Variants in PRH1 observed in about 807,000 individuals in gnomAD.
PRH1 encodes salivary acidic proline-rich phosphoprotein 1/2.
Under a neutral mutation model 7.9 loss-of-function variants are expected in PRH1, and 7 were observed. That is an observed-to-expected ratio of 0.89 (90% confidence interval 0.50 to 1.67). The LOEUF (loss-of-function observed/expected upper bound fraction) is 1.67, where lower values mean the gene tolerates loss of function less well. PRH1 is among the 40% of genes most tolerant of loss of function. PRH1 has a pLI of 0.00. For missense variants in PRH1, 109 were observed against 223.6 expected (o/e 0.49, Z 3.27); for synonymous variants, 45 against 80.8 (o/e 0.56, Z 2.38).
At chr12:10,961,419 C>T (rs1294958231) in intron 2 of PRH1, among the ~76,000 whole-genome samples, 2 of 150,978 alleles carry the variant, frequency 1.3e-5, no homozygotes, top group South Asian at 2.1e-4. Flanking sequence ...CTAATGATTG[C>T]CCCTCTAAGC....
Position 10,930,370 on chromosome 12 carries a change from C to T in PRH1, c.-59+43285G>A, listed in dbSNP as rs372682319. The stretch of plus-strand genomic sequence containing the variant: ...TTCCCTGAAAAATTGATCAGTTCTC[C>T]AGTGTCTTCTTATCATCCTTGTCAG... On this transcript the variant is annotated intron_variant, in intron 2 of 3. Coordinates refer to the PRH1 transcript ENST00000539853. 4 of 1,562,452 alleles carry T rather than the reference C, an allele frequency of 2.6e-6. No homozygotes were observed. In the African/African-American group the frequency reaches 4.1e-5, roughly 16 times the overall value.
chr12:10,966,169 C>G lies in PRH1; in HGVS notation c.-59+7486G>C, dbSNP rs147414250. Among the ~76,000 whole-genome samples, 610 of 152,292 alleles carry G rather than the reference C, an allele frequency of 4.0e-3. 2 individuals are homozygous for G. Among genetic ancestry groups the G allele is most frequent in the African/African-American group, 0.014 (581 of 41,550 alleles). On this transcript the variant is annotated intron_variant, in intron 2 of 3. Coordinates refer to the PRH1 transcript ENST00000539853. ...CCATAAAAATATATTAAACATATCT[C>G]TCATACTTAGACCCTTGGTAAAGTT...
chr12:11,111,138 C>G (rs1391399574), intron 1 of PRH1, among the ~76,000 whole-genome samples: 3 of 152,142 alleles, frequency 2.0e-5, no homozygotes, highest in Non-Finnish European at 2.9e-5. Flanking sequence ...TACAGGGGCA[C>G]CCAGATTCAT....
chr12:11,064,034 C>T (rs1160423582), intron 1 of PRH1, among the ~76,000 whole-genome samples: 1 of 152,018 alleles, frequency 6.6e-6, no homozygotes, highest in East Asian at 1.9e-4. Context: ...CGCAGTGTAT[C>T]ATAAACATTC....
upstream of PRH1, among the ~76,000 whole-genome samples, chr12:11,049,805 A>T (rs1442662801): frequency 6.6e-6 from 1 of 152,210 alleles, no homozygotes. Flanking sequence ...ATATCATCCA[A>T]GATTATTTTG....
chr12:11,151,373 A>G (rs775666556), intron 1 of PRH1, among the ~76,000 whole-genome samples: 2 of 152,006 alleles, frequency 1.3e-5, no homozygotes, highest in African/African-American at 4.8e-5. Context: ...GCTAGAAAAT[A>G]TAGTTGAGAA....
intron 1 of PRH1, among the ~76,000 whole-genome samples, chr12:11,147,718 T>G (rs1289392614): frequency 6.6e-6 from 1 of 152,196 alleles, no homozygotes; most frequent in African/African-American, 2.4e-5. Flanking sequence ...CCTATTACAT[T>G]AGCTAAAAGT....
intron 1 of PRH1, among the ~76,000 whole-genome samples, chr12:11,148,470 C>T (rs1946943890): frequency 6.8e-6 from 1 of 146,048 alleles, no homozygotes; most frequent in South Asian, 2.2e-4. Context: ...CCATCAATAC[C>T]TAATTTATTG....
intron 1 of PRH1, among the ~76,000 whole-genome samples, chr12:11,147,644 C>G (rs994078193): frequency 1.3e-5 from 2 of 152,180 alleles, no homozygotes; most frequent in African/African-American, 4.8e-5. Context: ...GTGACATCAT[C>G]ACATCATTAT....
intron 2 of PRH1, among the ~76,000 whole-genome samples, chr12:10,935,816 T>G (rs1950279161): frequency 6.6e-6 from 1 of 152,208 alleles, no homozygotes; most frequent in African/African-American, 2.4e-5. Flanking sequence ...GTTGTCTATA[T>G]GATCCTCGAA....
intron 1 of PRH1, among the ~76,000 whole-genome samples, chr12:10,992,581 A>T (rs955070080): frequency 6.6e-6 from 1 of 152,072 alleles, no homozygotes; most frequent in African/African-American, 2.4e-5. Flanking sequence ...TACTACAATC[A>T]GTTTATTTTC....
At chr12:10,969,766 G>A (rs11054106) in intron 2 of PRH1, among the ~76,000 whole-genome samples, 36,980 of 151,830 alleles carry the variant, frequency 0.24, 4,552 homozygotes, top group Non-Finnish European at 0.25. Context: ...ATGGTTATTT[G>A]CATTCTCAGC....
intron 1 of PRH1, among the ~76,000 whole-genome samples, chr12:11,151,765 G>A (rs1232511032): frequency 6.6e-6 from 1 of 152,086 alleles, no homozygotes; most frequent in Non-Finnish European, 1.5e-5. Context: ...TCTTTAGTTG[G>A]TTAAATTTTC....
chr12:10,981,440 C>A (rs1337587310), intron 1 of PRH1, among the ~76,000 whole-genome samples: 2 of 140,810 alleles, frequency 1.4e-5, no homozygotes, highest in African/African-American at 5.4e-5. Context: ...GTGGCATGAT[C>A]TCAGCTCACT....
intron 1 of PRH1, among the ~76,000 whole-genome samples, chr12:11,093,690 G>A (rs1341845830): frequency 8.7e-6 from 1 of 115,332 alleles, no homozygotes; most frequent in Non-Finnish European, 2.0e-5. Context: ...ATCACAGGAA[G>A]ACTGACTACC....
Position 11,127,972 on chromosome 12 carries a change from T to C in PRH1, n.40-6792A>G, listed in dbSNP as rs1446891657. Among the ~76,000 whole-genome samples, 5 of 151,796 alleles carry C rather than the reference T, an allele frequency of 3.3e-5. No homozygotes were observed. The East Asian group carries it at 9.7e-4, about 30-fold the overall frequency. ...ATACAAAACCAAAGTTAGCCGGGCA[T>C]GGTGGCAGGCGCCTGTAGTCCCAGC... On this transcript the variant is annotated intron_variant and non_coding_transcript_variant, in intron 1 of 1. Coordinates refer to the PRH1 transcript ENST00000541175.
intron 1 of PRH1, among the ~76,000 whole-genome samples, chr12:11,072,122 C>G (rs1297555219): frequency 7.1e-6 from 1 of 141,148 alleles, no homozygotes; most frequent in Non-Finnish European, 1.6e-5. Context: ...TGAGCACCAC[C>G]ATGCCAAACT....
intron 2 of PRH1, chr12:10,909,503 T>G (rs187860064): frequency 8.2e-6 from 4 of 489,008 alleles, no homozygotes; most frequent in Middle Eastern, 5.5e-4. Context: ...ATATCTTTAT[T>G]TTTCTTCAAT....
rs115617338 is a variant in PRH1, at chr12:11,087,240, T to A, written n.124-40052A>T. 6.0e-3 allele frequency among the ~76,000 whole-genome samples: 698 copies of A among 117,166 alleles called. 146 individuals are homozygous for A. The highest frequency in any genetic ancestry group is 0.019 in the African/African-American group (660 of 34,852). 76.9% of individuals were successfully genotyped at this position (117,166 alleles called of 152,430 possible). ...CCTCAGCTTCCCAAGTATTTGGGAC[T>A]ATAGGCATGCACCAACATGCCAGCT... On this transcript the variant is annotated intron_variant and non_coding_transcript_variant, in intron 1 of 4. Transcript: ENST00000541977.
Sources: gnomAD v4.1 joint callset for allele counts (sites outside exome capture counted in the v4.1 genomes callset) on GRCh38, gnomAD v4.1.1 for gene constraint, MANE v1.5 for transcripts, NCBI Gene and HGNC (gene_info 2026-07-23, HGNC 2026-07-21) for gene names.